CROT: variants seen among roughly 807,000 people sequenced by gnomAD.
The protein encoded by CROT is carnitine O-octanoyltransferase.
A neutral mutation model predicts 89.2 loss-of-function variants in CROT; 84 were observed. The ratio of observed to expected loss-of-function variants is 0.94; its 90% CI spans 0.79 to 1.13. CROT has a LOEUF of 1.13. Ranked by LOEUF, CROT falls within the 50% of genes most tolerant of loss-of-function variation. The pLI, the probability that CROT is intolerant of heterozygous loss-of-function variation, is 0.00. For synonymous variants in CROT, 212 were observed against 239.5 expected, an observed-to-expected ratio of 0.89 and a Z score of 1.06; for missense variants, 711 against 727.8, an observed-to-expected ratio of 0.98 and a Z score of 0.27.
At chr7:87,369,246 T>C (rs1362139666) in intron 6 of CROT, 130 bp from the exon 7 acceptor site, 2 of 542,094 alleles carry the variant, frequency 3.7e-6, no homozygotes, top group Non-Finnish European at 6.7e-6. Context: ...TTTTGTTATG[T>C]GATATATTTG....
intron 6 of CROT, among the ~76,000 whole-genome samples, chr7:87,362,456 C>A (rs1451824866): frequency 6.6e-6 from 1 of 152,080 alleles, no homozygotes; most frequent in East Asian, 1.9e-4. Flanking sequence ...ACTGCCATAC[C>A]TGGCTAATTG....
intron 3 of CROT, among the ~76,000 whole-genome samples, chr7:87,352,644 A>G (rs1019876388): frequency 6.6e-6 from 1 of 152,184 alleles, no homozygotes; most frequent in Non-Finnish European, 1.5e-5. Flanking sequence ...ATTCCCCACA[A>G]CAAGCCCTTA....
chr7:87,355,827 A>G lies in CROT; in HGVS notation c.116-3379A>G, dbSNP rs79220538. 7.3e-3 allele frequency among the ~76,000 whole-genome samples: 1,116 copies of G among 152,308 alleles called. 13 individuals are homozygous for G. Among genetic ancestry groups the G allele is most frequent in the African/African-American group, 0.025 (1,047 of 41,554 alleles). On this transcript the variant is annotated intron_variant, in intron 3 of 17. Transcript: ENST00000331536. The stretch of plus-strand genomic sequence containing the variant: ...GGGCCTAGAAGGCTGAGTATATTGC[A>G]AAGTATATTGCAGAAAGGAAAAGGG...
At chr7:87,395,120 C>T (rs890955468) in intron 17 of CROT, among the ~76,000 whole-genome samples, 1 of 152,118 alleles carries the variant, frequency 6.6e-6, no homozygotes, top group African/African-American at 2.4e-5. Context: ...ATCACAAGGT[C>T]CCACAATAGG....
At chr7:87,380,332 C>A (rs939495567) in intron 10 of CROT, among the ~76,000 whole-genome samples, 4 of 152,220 alleles carry the variant, frequency 2.6e-5, no homozygotes, top group South Asian at 4.1e-4. Flanking sequence ...GCATAGGAAG[C>A]ATGTAAAAAC....
intron 7 of CROT, among the ~76,000 whole-genome samples, chr7:87,371,513 A>C (rs1282857607): frequency 6.6e-6 from 1 of 152,132 alleles, no homozygotes; most frequent in East Asian, 1.9e-4. Context: ...CCCTTTTTGT[A>C]TTTGGATAAA....
intron 7 of CROT, among the ~76,000 whole-genome samples, chr7:87,370,398 G>A (rs56146479): frequency 0.06 from 9,139 of 152,154 alleles, 339 homozygotes; most frequent in South Asian, 0.17. Flanking sequence ...GGCCAAGCTG[G>A]TCTTGAACTC....
At chr7:87,351,362 T>C (rs892803213) in intron 3 of CROT, among the ~76,000 whole-genome samples, 6 of 149,496 alleles carry the variant, frequency 4.0e-5, no homozygotes, top group Non-Finnish European at 8.9e-5. Flanking sequence ...TTATCTCTTA[T>C]AAACCATTCA....
At chr7:87,397,350 C>CAAA (rs11429478) in intron 17 of CROT, among the ~76,000 whole-genome samples, 3 of 146,184 alleles carry the variant, frequency 2.1e-5, no homozygotes, top group Non-Finnish European at 1.5e-5. Flanking sequence ...GACTCTTTCT[C>CAAA]AAAAAAAAAA....
chr7:87,359,706 G>T, intron 4 of CROT: 2 of 1,019,834 alleles, frequency 2.0e-6, no homozygotes, highest in Non-Finnish European at 2.3e-6. Flanking sequence ...TCACATAGGT[G>T]GCATAGAAAT....
At chr7:87,348,052 C>T (rs147702961) in intron 2 of CROT, among the ~76,000 whole-genome samples, 1 of 152,220 alleles carries the variant, frequency 6.6e-6, no homozygotes, top group Non-Finnish European at 1.5e-5. Flanking sequence ...TGATAGTGTT[C>T]GATTCTGTAA....
intron 13 of CROT, among the ~76,000 whole-genome samples, chr7:87,387,113 CT>C (rs1453238764): frequency 3.3e-5 from 5 of 151,766 alleles, no homozygotes; most frequent in Non-Finnish European, 7.4e-5. Flanking sequence ...TCTCTGGCCC[CT>C]GGGATCATCA....
At chr7:87,363,939 A>G (rs1478722866) in intron 6 of CROT, among the ~76,000 whole-genome samples, 2 of 152,180 alleles carry the variant, frequency 1.3e-5, no homozygotes, top group Non-Finnish European at 2.9e-5. Flanking sequence ...GTTGTAAGAT[A>G]TAAGAGAAAA....
Position 87,361,470 on chromosome 7 carries a change from A to G in CROT, c.321A>G (p.Ala107=). ...TGAATGTCAACTTTGCGGGTCCTGC[A>G]GCTCATTTTGAACACTACTGGCCTC... ...SQLNVNFAGP[A]AHFEHYWPPK... Residue 107 remains alanine (A), a synonymous_variant, in exon 5 of 18, where the codon GCA becomes GCG. Transcript: ENST00000331536. 2.5e-6 allele frequency: 4 copies of G among 1,614,054 alleles called. No individual in the cohort carries two copies. The highest frequency in any genetic ancestry group is 3.4e-6 in the Non-Finnish European group (4 of 1,179,974).
Position 87,392,948 on chromosome 7 carries a change from C to T in CROT, c.1599C>T (p.Ser533=), listed in dbSNP as rs143172549. ...AATGTTCTTTTATTGTGCCACACAG[C>T]GGAGGAGGTGGAAATTTTGTTCTCT... ...ELFTDPLFSK[S]GGGGNFVLST... Residue 533 remains serine, a splice_region_variant and synonymous_variant, in exon 17 of 18, where the codon AGC becomes AGT. Coordinates refer to ENST00000331536, the MANE Select transcript of CROT (RefSeq NM_021151.4). 1.7e-5 allele frequency: 27 copies of T among 1,613,382 alleles called. No homozygotes were observed. The highest frequency in any genetic ancestry group is 4.5e-5 in the East Asian group (2 of 44,866).
At chr7:87,391,467 C>A in intron 13 of CROT, 122 bp from the exon 14 acceptor site, 1 of 889,172 alleles carries the variant, frequency 1.1e-6, no homozygotes, top group Non-Finnish European at 1.6e-6. Flanking sequence ...TGAAAGTCTC[C>A]AACCTATCTG....
intron 13 of CROT, among the ~76,000 whole-genome samples, chr7:87,386,732 G>T (rs1257993020): frequency 6.6e-6 from 1 of 152,096 alleles, no homozygotes; most frequent in East Asian, 1.9e-4. Context: ...CATGGAGCGT[G>T]CTTCCTACAC....
rs767437832 is a variant in CROT, at chr7:87,382,491, G to A, written c.1249G>A (p.Asp417Asn). The change falls in exon 13 of 18, where the codon GAT becomes AAT. Residue 417 changes from aspartate to asparagine, a missense_variant. Physicochemically the swap from Asp to Asn is conservative, Grantham distance 23. Transcript: ENST00000331536. ...AACCAAGAACAAGATGCTTCACCCG[G>A]ATACGTTTATTCAGCTTGCACTTCA... The part of the protein sequence containing the change: ...KLTKNKMLHP[D>N]TFIQLALQLA... The A allele has an allele frequency of 2.5e-6, 4 of 1,613,924 alleles. No homozygotes were observed. The highest frequency in any genetic ancestry group is 2.2e-5 in the East Asian group (1 of 44,856).
At chr7:87,388,278 TA>T (rs1374906892) in intron 13 of CROT, among the ~76,000 whole-genome samples, 1 of 152,090 alleles carries the variant, frequency 6.6e-6, no homozygotes, top group Non-Finnish European at 1.5e-5. Flanking sequence ...AAAACTACTT[TA>T]AATTTCATAT....
Sources: gnomAD v4.1 joint callset for allele counts (sites outside exome capture counted in the v4.1 genomes callset) on GRCh38, gnomAD v4.1.1 for gene constraint, MANE v1.5 for transcripts, NCBI Gene and HGNC (gene_info 2026-07-23, HGNC 2026-07-21) for gene names.